RIT2: variants seen among roughly 807,000 people sequenced by gnomAD.
RIT2 encodes the protein GTP-binding protein Rit2.
Under a neutral mutation model 23.7 loss-of-function variants are expected in RIT2, and 24 were observed. That is an observed-to-expected ratio of 1.01 (90% CI 0.73 to 1.43). The LOEUF (loss-of-function observed/expected upper bound fraction) is 1.43. Among genes scored for constraint, RIT2 ranks in the 40% most tolerant of loss-of-function variants. The pLI, the probability that RIT2 is intolerant of heterozygous loss-of-function variation, is 0.00. For missense variants in RIT2, 236 were observed against 266.9 expected (o/e 0.88, Z 0.81); for synonymous variants, 107 against 91.1 (o/e 1.17, Z -0.99).
intron 1 of RIT2, among the ~76,000 whole-genome samples, chr18:43,113,337 T>TTATA (rs1913995844): frequency 6.6e-6 from 1 of 152,152 alleles, no homozygotes; most frequent in East Asian, 1.9e-4. Flanking sequence ...AGGTTGCCAT[T>TTATA]TATATATAAT....
At chr18:42,852,795 CTCTT>C (rs200586008) in intron 4 of RIT2, among the ~76,000 whole-genome samples, 12,457 of 114,426 alleles carry the variant, frequency 0.11, 877 homozygotes, top group Middle Eastern at 0.31. Flanking sequence ...CTCCCTCCCT[CTCTT>C]CCTCCCTCCC....
intron 3 of RIT2, among the ~76,000 whole-genome samples, chr18:42,946,549 G>A (rs984140401): frequency 6.6e-6 from 1 of 151,900 alleles, no homozygotes; most frequent in Non-Finnish European, 1.5e-5. Flanking sequence ...GAGATTTCAA[G>A]GGGTAAGGAG....
In RIT2 at chr18:43,018,167, T is replaced by C. The variant is rs184663183; in HGVS notation, c.160+15644A>G. On this transcript the variant is annotated intron_variant, in intron 2 of 4. Transcript: ENST00000326695. Reference sequence around the variant, plus strand: ...TCTTATCCCTCTGACTCCCTTTCCCTCACACTGCCCCTAACGCGAAGAGTG... The same window carrying C: ...TCTTATCCCTCTGACTCCCTTTCCCCCACACTGCCCCTAACGCGAAGAGTG... 2.5e-3 allele frequency among the ~76,000 whole-genome samples: 380 copies of C among 152,158 alleles called. 1 individual carries two copies. Among genetic ancestry groups the C allele is most frequent in the African/African-American group, 8.6e-3 (357 of 41,544 alleles).
chr18:42,898,534 T>C (rs1418693112), intron 4 of RIT2, among the ~76,000 whole-genome samples: 1 of 152,152 alleles, frequency 6.6e-6, no homozygotes, highest in Non-Finnish European at 1.5e-5. Context: ...TGTAACAATA[T>C]AATATCAAAC....
intron 2 of RIT2, among the ~76,000 whole-genome samples, chr18:43,026,458 G>A (rs993209952): frequency 1.3e-5 from 2 of 151,782 alleles, no homozygotes; most frequent in Non-Finnish European, 2.9e-5. Flanking sequence ...GAAGGCTGAA[G>A]TAGGAGAATC....
chr18:42,780,275 TAGG>T (rs1156544562), intron 4 of RIT2, among the ~76,000 whole-genome samples: 2 of 152,026 alleles, frequency 1.3e-5, no homozygotes, highest in East Asian at 3.9e-4. Flanking sequence ...TTCCAGCTCA[TAGG>T]AGGATTTCAA....
intron 3 of RIT2, among the ~76,000 whole-genome samples, chr18:42,952,750 C>T (rs1433781718): frequency 3.9e-5 from 6 of 151,964 alleles, no homozygotes; most frequent in Admixed American, 3.3e-4. Flanking sequence ...ATACTACATA[C>T]ATACACATTC....
At chr18:42,919,872 G>T (rs1909010157) in intron 4 of RIT2, among the ~76,000 whole-genome samples, 1 of 152,120 alleles carries the variant, frequency 6.6e-6, no homozygotes, top group African/African-American at 2.4e-5. Context: ...CTATTCTCCA[G>T]TGGGAAGACA....
intron 4 of RIT2, among the ~76,000 whole-genome samples, chr18:42,745,374 T>A (rs369925917): frequency 1.3e-5 from 2 of 152,162 alleles, no homozygotes; most frequent in African/African-American, 2.4e-5. Flanking sequence ...TTACAACACA[T>A]CATATGGTTA....
chr18:42,942,138 C>T (rs1406210715), intron 3 of RIT2, among the ~76,000 whole-genome samples: 2 of 151,708 alleles, frequency 1.3e-5, no homozygotes, highest in African/African-American at 4.8e-5. Flanking sequence ...CAAACACTTA[C>T]ACTGATTTGC....
intron 4 of RIT2, among the ~76,000 whole-genome samples, chr18:42,866,382 C>T (rs1907470145): frequency 6.6e-6 from 1 of 152,064 alleles, no homozygotes; most frequent in Non-Finnish European, 1.5e-5. Flanking sequence ...TGAACAGAAT[C>T]AATGCTGTAC....
intron 4 of RIT2, among the ~76,000 whole-genome samples, chr18:42,826,001 C>G (rs1261541670): frequency 6.6e-6 from 1 of 151,978 alleles, no homozygotes; most frequent in Non-Finnish European, 1.5e-5. Flanking sequence ...TTTGACATCT[C>G]TTTGTAAATT....
At chr18:42,879,993 G>A (rs1025676597) in intron 4 of RIT2, among the ~76,000 whole-genome samples, 4 of 152,054 alleles carry the variant, frequency 2.6e-5, no homozygotes, top group African/African-American at 9.7e-5. Flanking sequence ...GAAAGAAGAG[G>A]GCTAGCTTGT....
intron 4 of RIT2, among the ~76,000 whole-genome samples, chr18:42,802,649 T>C (rs1017430121): frequency 2.0e-5 from 3 of 152,078 alleles, no homozygotes; most frequent in African/African-American, 7.3e-5. Flanking sequence ...ACTTGGGACA[T>C]GATTTTTCTT....
At chr18:42,745,756 T>C (rs189027005) in intron 4 of RIT2, among the ~76,000 whole-genome samples, 9 of 152,162 alleles carry the variant, frequency 5.9e-5, no homozygotes, top group African/African-American at 1.4e-4. Flanking sequence ...CAAGTGGTAA[T>C]CTTACCAAAT....
At chr18:43,054,008 C>T (rs1912443413) in intron 1 of RIT2, among the ~76,000 whole-genome samples, 2 of 152,046 alleles carry the variant, frequency 1.3e-5, no homozygotes, top group South Asian at 4.1e-4. Flanking sequence ...TAGCTAAATG[C>T]TCCCAAGGCA....
chr18:42,977,227 C>G (rs747153560), intron 2 of RIT2, among the ~76,000 whole-genome samples: 39 of 152,098 alleles, frequency 2.6e-4, no homozygotes, highest in Non-Finnish European at 5.4e-4. Context: ...CTACATATCT[C>G]AGCCTGTTAA....
intron 4 of RIT2, among the ~76,000 whole-genome samples, chr18:42,777,285 CA>C (rs71175922): frequency 0.88 from 112,334 of 128,078 alleles, 49,496 homozygotes; most frequent in South Asian, 0.97. Flanking sequence ...GTCTGGACTT[CA>C]AAAAAAAAAA....
intron 2 of RIT2, among the ~76,000 whole-genome samples, chr18:42,997,391 A>G (rs1911009322): frequency 6.6e-6 from 1 of 152,062 alleles, no homozygotes; most frequent in Non-Finnish European, 1.5e-5. Context: ...AAGAGAGGTA[A>G]GAAAGAAAGA....
Sources: gnomAD v4.1 joint callset for allele counts (sites outside exome capture counted in the v4.1 genomes callset) on GRCh38, gnomAD v4.1.1 for gene constraint, MANE v1.5 for transcripts, NCBI Gene and HGNC (gene_info 2026-07-23, HGNC 2026-07-21) for gene names.